RARB: variants seen among roughly 807,000 people sequenced by gnomAD.
The protein encoded by RARB is HBV-activated protein.
Under a neutral mutation model 51.9 loss-of-function variants are expected in RARB, and 17 were observed. The observed-to-expected ratio is 0.33, with a 90% CI of 0.22 to 0.49. RARB has a LOEUF of 0.49. Among genes scored for constraint, RARB ranks in the 20% least tolerant of loss-of-function variants. The pLI is 0.99. For missense variants in RARB, 369 were observed against 550.8 expected (o/e 0.67, Z 3.30); for synonymous variants, 215 against 195.4 (o/e 1.10, Z -0.84).
intron 2 of RARB, among the ~76,000 whole-genome samples, chr3:25,001,503 G>A (rs1244996844): frequency 1.3e-5 from 2 of 152,038 alleles, no homozygotes; most frequent in Non-Finnish European, 2.9e-5. Flanking sequence ...GGACTGGTGG[G>A]AGAGATCCAT....
chr3:25,102,483 T>C (rs1033049018), intron 3 of RARB, among the ~76,000 whole-genome samples: 1 of 151,932 alleles, frequency 6.6e-6, no homozygotes, highest in African/African-American at 2.4e-5. Flanking sequence ...GAGACTGCAG[T>C]GAGCCAAGAT....
intron 5 of RARB, among the ~76,000 whole-genome samples, chr3:25,422,784 G>A (rs548818318): frequency 6.6e-6 from 1 of 152,036 alleles, no homozygotes; most frequent in African/African-American, 2.4e-5. Context: ...TTTTAAAAGG[G>A]AAGGAAAAGT....
At chr3:25,408,850 A>G (rs1171456997) in intron 5 of RARB, among the ~76,000 whole-genome samples, 1 of 152,160 alleles carries the variant, frequency 6.6e-6, no homozygotes, top group East Asian at 1.9e-4. Flanking sequence ...CCTGGCCATC[A>G]TAGTGAAATG....
intron 5 of RARB, among the ~76,000 whole-genome samples, chr3:25,304,423 C>G (rs1704111138): frequency 6.6e-6 from 1 of 152,174 alleles, no homozygotes; most frequent in African/African-American, 2.4e-5. Flanking sequence ...AACTGCTATG[C>G]CTAGTATTGC....
intron 3 of RARB, among the ~76,000 whole-genome samples, chr3:25,545,924 C>T (rs1699598890): frequency 6.6e-6 from 1 of 151,970 alleles, no homozygotes; most frequent in Non-Finnish European, 1.5e-5. Flanking sequence ...GAAATAAAAC[C>T]AGGAAGGGGA....
At chr3:25,011,153 A>G (rs1429715864) in intron 2 of RARB, among the ~76,000 whole-genome samples, 1 of 152,156 alleles carries the variant, frequency 6.6e-6, no homozygotes, top group East Asian at 1.9e-4. Context: ...AATAAAGCAG[A>G]CAGAAATCCC....
At chr3:24,928,494 A>T (rs1356586140) in intron 2 of RARB, among the ~76,000 whole-genome samples, 1 of 152,026 alleles carries the variant, frequency 6.6e-6, no homozygotes, top group Non-Finnish European at 1.5e-5. Flanking sequence ...TTTTATTTTA[A>T]AAGATTATTT....
chr3:25,367,817 C>CAAAAAAAAAAAAAAAAAAA (rs369165017), intron 5 of RARB, among the ~76,000 whole-genome samples: 5 of 125,610 alleles, frequency 4.0e-5, no homozygotes, highest in African/African-American at 9.7e-5. Flanking sequence ...AAAAAACAAG[C>CAAAAAAAAAAAAAAAAAAA]AAAAAAAAAA....
chr3:25,562,119 A>G (rs1030883891), intron 3 of RARB, among the ~76,000 whole-genome samples: 3 of 152,046 alleles, frequency 2.0e-5, no homozygotes, highest in Non-Finnish European at 4.4e-5. Context: ...TAAAAGACCC[A>G]CTCACAGTGT....
chr3:25,427,483 C>T (rs1708027066), upstream of RARB, among the ~76,000 whole-genome samples: 2 of 152,170 alleles, frequency 1.3e-5, no homozygotes, highest in African/African-American at 4.8e-5. Context: ...ATTCCCCAAC[C>T]CATGCTCTTG....
chr3:25,476,146 T>C (rs990595735), intron 2 of RARB, among the ~76,000 whole-genome samples: 1 of 152,206 alleles, frequency 6.6e-6, no homozygotes, highest in Non-Finnish European at 1.5e-5. Context: ...ACTCATTGAC[T>C]AAAGCAGTCC....
chr3:24,958,945 G>A (rs745744215), intron 2 of RARB, among the ~76,000 whole-genome samples: 2 of 152,190 alleles, frequency 1.3e-5, no homozygotes, highest in African/African-American at 4.8e-5. Context: ...CCTTGTGGGA[G>A]GGGGATCACA....
intron 5 of RARB, among the ~76,000 whole-genome samples, chr3:25,215,119 A>G (rs1701796796): frequency 6.6e-6 from 1 of 152,188 alleles, no homozygotes; most frequent in Non-Finnish European, 1.5e-5. Context: ...CCAACTGTAC[A>G]CGGACTCACC....
chr3:25,469,939 C>T (rs1196732887), intron 2 of RARB, among the ~76,000 whole-genome samples: 7 of 151,850 alleles, frequency 4.6e-5, no homozygotes, highest in African/African-American at 1.7e-4. Context: ...TGGAGAGGGG[C>T]TTAAAAAGGG....
chr3:24,961,790 T>G (rs1696144716), intron 2 of RARB, among the ~76,000 whole-genome samples: 1 of 152,218 alleles, frequency 6.6e-6, no homozygotes, highest in South Asian at 2.1e-4. Flanking sequence ...TTTATCTCCA[T>G]TTAATCTAGG....
chr3:25,544,966 T>G (rs2125659909), intron 3 of RARB, among the ~76,000 whole-genome samples: 1 of 152,268 alleles, frequency 6.6e-6, no homozygotes, highest in South Asian at 2.1e-4. Flanking sequence ...GTTGTTGTTG[T>G]TGTTGTTTTT....
At chr3:25,582,303 A>T (rs2125308261) in intron 5 of RARB, among the ~76,000 whole-genome samples, 1 of 152,316 alleles carries the variant, frequency 6.6e-6, no homozygotes, top group East Asian at 1.9e-4. Context: ...CTTCCAAGAT[A>T]TTAGCAGAGA....
chr3:25,192,387 G>C (rs990484009), intron 5 of RARB, among the ~76,000 whole-genome samples: 1 of 151,986 alleles, frequency 6.6e-6, no homozygotes, highest in East Asian at 1.9e-4. Flanking sequence ...TATCCTCCCT[G>C]ATGAATGGAA....
chr3:25,329,115 A>G (rs1704814333), intron 5 of RARB, among the ~76,000 whole-genome samples: 1 of 152,204 alleles, frequency 6.6e-6, no homozygotes, highest in South Asian at 2.1e-4. Flanking sequence ...TAGATGAACA[A>G]AAGGCAGCAG....
Sources: allele counts gnomAD v4.1 joint callset (sites outside exome capture counted in the v4.1 genomes callset), GRCh38; gene constraint gnomAD v4.1.1; transcripts MANE v1.5; gene names NCBI Gene and HGNC (gene_info 2026-07-23, HGNC 2026-07-21).